The following SP4 variants were observed in gnomAD, a reference collection of about 807,000 sequenced individuals.
The protein encoded by SP4 is transcription factor Sp4.
Under a neutral mutation model 72.8 loss-of-function variants are expected in SP4, and 19 were observed. That is an observed-to-expected ratio of 0.26 (90% CI 0.18 to 0.38). The LOEUF (loss-of-function observed/expected upper bound fraction) is 0.38. Among genes scored for constraint, SP4 ranks in the 10% least tolerant of loss-of-function variants. SP4 has a pLI of 1.00. For synonymous variants in SP4, 395 were observed against 333.1 expected (o/e 1.19, Z -2.02); for missense variants, 1,008 against 926.3 (o/e 1.09, Z -1.14).
intron 5 of SP4, among the ~76,000 whole-genome samples, chr7:21,497,525 A>G (rs1308293891): frequency 6.6e-6 from 1 of 152,146 alleles, no homozygotes; most frequent in African/African-American, 2.4e-5. Context: ...TGTTGCTTTT[A>G]TGGAAGAGCA....
At chr7:21,483,420 T>C (rs1476434952) in intron 5 of SP4, among the ~76,000 whole-genome samples, 4 of 151,950 alleles carry the variant, frequency 2.6e-5, no homozygotes, top group Middle Eastern at 3.2e-3. Context: ...TTTTGCTTTT[T>C]GTTTATAAAT....
At position 21,481,791 on chromosome 7, in the gene SP4, C is replaced by T. The variant is rs560463317; in HGVS notation, c.1908-133C>T. The T allele has an allele frequency of 4.6e-4, 305 of 664,094 alleles. 1 individual carries two copies. In the South Asian group the frequency reaches 5.5e-3, roughly 12 times the overall value. The allele number at this position is 664,094 out of a possible 1,614,324, so 41.1% of individuals were successfully genotyped here. Reference sequence around the variant, plus strand: ...TTAACTGAAAATTTTCTGATTTGAACTACAGTTATGGCATCATGATCAAAC... The same window carrying T: ...TTAACTGAAAATTTTCTGATTTGAATTACAGTTATGGCATCATGATCAAAC... On this transcript the variant is annotated intron_variant, in intron 4 of 5. Transcript: ENST00000222584.
intron 5 of SP4, among the ~76,000 whole-genome samples, chr7:21,503,038 C>T (rs961238074): frequency 1.3e-5 from 2 of 152,054 alleles, no homozygotes; most frequent in African/African-American, 4.8e-5. Context: ...CCACCTCATG[C>T]AGCTGTTCGC....
In SP4 at chr7:21,512,776, T is replaced by C. The variant is rs1782181958; in HGVS notation, c.*1507T>C. On this transcript the variant is annotated 3_prime_UTR_variant, in exon 6 of 6. Transcript: ENST00000222584. ...CAGGGTTTCGCCATGTTGGCCAGGCTGGTTTCAAACTCCTGACCTCAGGTG... is the reference window on the plus strand; with the variant it reads ...CAGGGTTTCGCCATGTTGGCCAGGCCGGTTTCAAACTCCTGACCTCAGGTG... The C allele has an allele frequency of 6.6e-6, 1 of 152,486 alleles. No homozygotes were observed. The highest frequency in any genetic ancestry group is 2.1e-4 in the South Asian group (1 of 4,822). 9.4% of individuals were successfully genotyped at this position (152,486 alleles called of 1,614,324 possible).
At chr7:21,475,106 G>T (rs1320648863) in intron 3 of SP4, among the ~76,000 whole-genome samples, 2 of 149,574 alleles carry the variant, frequency 1.3e-5, no homozygotes, top group Non-Finnish European at 3.0e-5. Flanking sequence ...CCCTTTTTTT[G>T]TTTTTTGTTT....
intron 3 of SP4, among the ~76,000 whole-genome samples, chr7:21,460,049 TA>T (rs575725512): frequency 6.6e-6 from 1 of 152,192 alleles, no homozygotes; most frequent in African/African-American, 2.4e-5. Context: ...AGGGCAGAAA[TA>T]AAAGACTCCA....
chr7:21,428,153 C>CGCGG lies in SP4; in HGVS notation c.-89_-86dup, dbSNP rs1432845972. ...CCAGCTACAGCCTCCTCCGAGCCAC[C>CGCGG]GCGGGCGGGCGGGACCGGCCTCTCC... On this transcript the variant is annotated 5_prime_UTR_variant, in exon 1 of 6. Transcript: ENST00000222584. The CGCGG allele has an allele frequency of 8.0e-6, 6 of 749,082 alleles. No individual in the cohort carries two copies. Among genetic ancestry groups the CGCGG allele is most frequent in the African/African-American group, 3.4e-5 (2 of 58,044 alleles). 46.4% of individuals were successfully genotyped at this position (749,082 alleles called of 1,614,324 possible). A position where few individuals can be genotyped will look rare whatever the true frequency, so the allele number is the denominator to read the frequency against.
At chr7:21,462,961 A>G (rs2128402950) in intron 3 of SP4, among the ~76,000 whole-genome samples, 1 of 152,334 alleles carries the variant, frequency 6.6e-6, no homozygotes, top group South Asian at 2.1e-4. Flanking sequence ...TTATAAACCT[A>G]AAATTAATTA....
At chr7:21,456,106 G>A (rs2282891) in intron 3 of SP4, among the ~76,000 whole-genome samples, 49,814 of 151,956 alleles carry the variant, frequency 0.33, 8,669 homozygotes, top group Middle Eastern at 0.51. Context: ...GATTTGAGGG[G>A]GCAACATTTA....
At chr7:21,481,045 A>C (rs375328709) in intron 4 of SP4, among the ~76,000 whole-genome samples, 4 of 152,174 alleles carry the variant, frequency 2.6e-5, no homozygotes, top group Non-Finnish European at 4.4e-5. Context: ...GGTCTTCTCA[A>C]CTGGCCTCTC....
intron 3 of SP4, among the ~76,000 whole-genome samples, chr7:21,446,446 TA>T (rs1024765355): frequency 4.4e-4 from 65 of 146,834 alleles, no homozygotes; most frequent in South Asian, 6.4e-4. Context: ...ATGACATATT[TA>T]AAAAAAAAAA....
At position 21,512,729 on chromosome 7, in the gene SP4, A is replaced by T. The variant is rs915401432; in HGVS notation, c.*1460A>T. 6.6e-6 allele frequency: 1 copy of T among 152,026 alleles called. No individual in the cohort carries two copies. The highest frequency in any genetic ancestry group is 2.4e-5 in the African/African-American group (1 of 41,306). The allele number at this position is 152,026 out of a possible 1,614,324, so 9.4% of individuals were successfully genotyped here. On this transcript the variant is annotated 3_prime_UTR_variant, in exon 6 of 6. Coordinates refer to ENST00000222584, the MANE Select transcript of SP4 (RefSeq NM_003112.5). ...AGGCGCCTGCCACCATGCCTGGCTA[A>T]TTTTTGTATTTTTAGTAGAGACAGG...
intron 3 of SP4, among the ~76,000 whole-genome samples, chr7:21,448,525 G>T (rs1315577639): frequency 1.3e-5 from 2 of 152,102 alleles, no homozygotes; most frequent in African/African-American, 2.4e-5. Flanking sequence ...ATGAGACGTG[G>T]GTTCAATTCC....
At chr7:21,508,616 C>A (rs531291875) in intron 5 of SP4, among the ~76,000 whole-genome samples, 1 of 152,048 alleles carries the variant, frequency 6.6e-6, no homozygotes, top group South Asian at 2.1e-4. Context: ...TGTGAGCCAC[C>A]GCGCCCAGCC....
At chr7:21,461,278 C>T (rs1783970025) in intron 3 of SP4, among the ~76,000 whole-genome samples, 1 of 152,014 alleles carries the variant, frequency 6.6e-6, no homozygotes, top group Non-Finnish European at 1.5e-5. Context: ...TCAGGCCGTG[C>T]AGGAGCCCAC....
At chr7:21,473,206 G>A (rs1386763713) in intron 3 of SP4, among the ~76,000 whole-genome samples, 2 of 152,144 alleles carry the variant, frequency 1.3e-5, no homozygotes, top group South Asian at 4.1e-4. Flanking sequence ...TTGGAAACAG[G>A]TTAGCGTAAG....
chr7:21,434,308 T>A (rs551459899), intron 3 of SP4, among the ~76,000 whole-genome samples: 383 of 152,274 alleles, frequency 2.5e-3, no homozygotes, highest in Non-Finnish European at 4.4e-3. Context: ...GAAGTCTAGA[T>A]GACATGAACA....
At chr7:21,508,355 C>A (rs990066693) in intron 5 of SP4, among the ~76,000 whole-genome samples, 5 of 152,132 alleles carry the variant, frequency 3.3e-5, no homozygotes, top group African/African-American at 1.2e-4. Context: ...CAGGCACACC[C>A]GGGGCAGTTA....
chr7:21,449,045 A>C (rs1936791674), intron 3 of SP4, among the ~76,000 whole-genome samples: 1 of 152,118 alleles, frequency 6.6e-6, no homozygotes, highest in Admixed American at 6.6e-5. Flanking sequence ...CACACCAACC[A>C]ATCCAGAGCC....
Sources: gnomAD v4.1 joint callset for allele counts (sites outside exome capture counted in the v4.1 genomes callset) on GRCh38, gnomAD v4.1.1 for gene constraint, MANE v1.5 for transcripts, NCBI Gene and HGNC (gene_info 2026-07-23, HGNC 2026-07-21) for gene names.